Variants in COG3 observed in about 807,000 individuals in gnomAD.
COG3 encodes the protein component of oligomeric golgi complex 3, also known as conserved oligomeric Golgi complex subunit 3.
A neutral mutation model predicts 114.1 loss-of-function variants in COG3; 32 were observed. The ratio of observed to expected loss-of-function variants is 0.28; its 90% CI spans 0.21 to 0.38. COG3 has a LOEUF of 0.38. Ranked by LOEUF, COG3 falls within the 10% of genes least tolerant of loss-of-function variation. COG3 has a pLI of 1.00. For missense variants in COG3, 813 were observed against 973.2 expected, an observed-to-expected ratio of 0.84 and a Z score of 2.19; for synonymous variants, 352 against 365.7, an observed-to-expected ratio of 0.96 and a Z score of 0.43.
At chr13:45,531,416 A>G (rs1427773426) in intron 22 of COG3, 3 of 152,284 alleles carry the variant, frequency 2.0e-5, no homozygotes, top group African/African-American at 4.8e-5. Flanking sequence ...AAATCTGGGG[A>G]GACTGATCAG....
intron 1 of COG3, 122 bp from the exon 2 acceptor site, chr13:45,476,079 A>AT (rs1295523200): frequency 1.5e-5 from 13 of 851,978 alleles, no homozygotes; most frequent in Middle Eastern, 2.8e-4. Flanking sequence ...TATTAACTTA[A>AT]TGTGATTTAA....
chr13:45,512,471 A>G (rs529439526), intron 16 of COG3, among the ~76,000 whole-genome samples: 163 of 152,136 alleles, frequency 1.1e-3, no homozygotes, highest in African/African-American at 3.6e-3. Flanking sequence ...ATCTGGGACT[A>G]CAGGCATGTA....
At chr13:45,497,173 G>A (rs901951906) in intron 13 of COG3, among the ~76,000 whole-genome samples, 12 of 152,126 alleles carry the variant, frequency 7.9e-5, no homozygotes, top group African/African-American at 1.7e-4. Flanking sequence ...CCTGGAGGCC[G>A]TCTCCTCAAA....
chr13:45,485,243 ACCTC>A (rs1886535490), intron 7 of COG3, among the ~76,000 whole-genome samples: 1 of 80,488 alleles, frequency 1.2e-5, no homozygotes, highest in African/African-American at 6.1e-5. Context: ...GACCCCCCCC[ACCTC>A]CCTCCCGGAT....
chr13:45,529,664 A>C, intron 20 of COG3, 127 bp from the exon 21 acceptor site: 1 of 666,900 alleles, frequency 1.5e-6, no homozygotes, highest in Middle Eastern at 4.3e-4. Context: ...AAATGAAAGA[A>C]ATTCTTTGGG....
At chr13:45,502,419 G>C (rs1365960607) in intron 13 of COG3, among the ~76,000 whole-genome samples, 1 of 152,126 alleles carries the variant, frequency 6.6e-6, no homozygotes, top group Non-Finnish European at 1.5e-5. Flanking sequence ...TTGTGTAGTA[G>C]ACCTTTTGGC....
intron 1 of COG3, among the ~76,000 whole-genome samples, chr13:45,467,274 C>A (rs1175187402): frequency 2.0e-5 from 3 of 152,198 alleles, no homozygotes; most frequent in Admixed American, 2.0e-4. Context: ...GTACGTGCAG[C>A]TTGGTATTGG....
At chr13:45,528,324 T>G (rs1872870643) in intron 20 of COG3, among the ~76,000 whole-genome samples, 1 of 152,146 alleles carries the variant, frequency 6.6e-6, no homozygotes. Context: ...ACTTTACTTT[T>G]TTAACAAACT....
At chr13:45,520,887 C>T (rs1333178962) in intron 19 of COG3, among the ~76,000 whole-genome samples, 2 of 152,218 alleles carry the variant, frequency 1.3e-5, no homozygotes, top group South Asian at 2.1e-4. Flanking sequence ...TCTGGGAGAA[C>T]ATCCACAGTA....
chr13:45,499,442 T>C (rs1401736734), intron 13 of COG3, among the ~76,000 whole-genome samples: 1 of 152,248 alleles, frequency 6.6e-6, no homozygotes, highest in East Asian at 1.9e-4. Flanking sequence ...CAAATCTCTT[T>C]AGAGATTTTT....
intron 1 of COG3, chr13:45,465,467 C>T (rs2137760210): frequency 5.8e-6 from 3 of 517,464 alleles, no homozygotes; most frequent in Middle Eastern, 5.3e-4. Flanking sequence ...CCCAGTCCTC[C>T]CCCAGCAGCA....
chr13:45,496,472 G>C (rs1260267145), intron 13 of COG3, among the ~76,000 whole-genome samples, 160 bp downstream of exon 13: 1 of 152,120 alleles, frequency 6.6e-6, no homozygotes, highest in South Asian at 2.1e-4. Flanking sequence ...CACCTGCCTC[G>C]GCCTCCCAAG....
At chr13:45,521,923 C>T (rs1872196436) in intron 19 of COG3, among the ~76,000 whole-genome samples, 1 of 151,994 alleles carries the variant, frequency 6.6e-6, no homozygotes, top group Non-Finnish European at 1.5e-5. Context: ...TTGCCTCTGC[C>T]TCCTGAGTAG....
At chr13:45,532,560 GTTTTTTTTTTT>G (rs59023921) in intron 22 of COG3, among the ~76,000 whole-genome samples, 2,201 of 82,560 alleles carry the variant, frequency 0.027, 22 homozygotes, top group Non-Finnish European at 0.036. Context: ...TCCTTCCATT[GTTTTTTTTTTT>G]TTTTTTTTTT....
At chr13:45,497,613 C>T (rs1210020104) in intron 13 of COG3, among the ~76,000 whole-genome samples, 1 of 152,014 alleles carries the variant, frequency 6.6e-6, no homozygotes, top group Non-Finnish European at 1.5e-5. Flanking sequence ...GCAAGAAACC[C>T]CATCTCTACT....
At chr13:45,503,888 C>T (rs1869824776) in intron 14 of COG3, among the ~76,000 whole-genome samples, 2 of 151,958 alleles carry the variant, frequency 1.3e-5, no homozygotes, top group Non-Finnish European at 2.9e-5. Context: ...GGTGACTGGA[C>T]CATCAGATTT....
intron 19 of COG3, among the ~76,000 whole-genome samples, chr13:45,519,758 T>G (rs1871914376): frequency 6.6e-6 from 1 of 152,200 alleles, no homozygotes; most frequent in South Asian, 2.1e-4. Context: ...GTCATTTCAC[T>G]TAAAGTCACA....
At chr13:45,487,011 A>G (rs981414344) in intron 8 of COG3, among the ~76,000 whole-genome samples, 1 of 152,218 alleles carries the variant, frequency 6.6e-6, no homozygotes, top group African/African-American at 2.4e-5. Flanking sequence ...TAGAGAACCA[A>G]TGAAGTGGTA....
chr13:45,509,032 G>T lies in COG3; in HGVS notation c.1595-660G>T, dbSNP rs928505597. Among the ~76,000 whole-genome samples, 3 of 149,986 alleles carry T rather than the reference G, an allele frequency of 2.0e-5. No individual in the cohort carries two copies. The East Asian group carries it at 5.9e-4, about 29-fold the overall frequency. ...GCTTCCTTCCTCATGACTACATAGAGATCTGCTTCCTTTTTTTTTTTTTTT... is the reference window on the plus strand; with the variant it reads ...GCTTCCTTCCTCATGACTACATAGATATCTGCTTCCTTTTTTTTTTTTTTT... On this transcript the variant is annotated intron_variant, in intron 14 of 22. Transcript: ENST00000349995.
Sources: gnomAD v4.1 joint callset for allele counts (sites outside exome capture counted in the v4.1 genomes callset) on GRCh38, gnomAD v4.1.1 for gene constraint, MANE v1.5 for transcripts, NCBI Gene and HGNC (gene_info 2026-07-23, HGNC 2026-07-21) for gene names.